KRT12: variants seen among roughly 807,000 people sequenced by gnomAD.
The protein encoded by KRT12 is keratin, type I cytoskeletal 12.
Under a neutral mutation model 50.2 loss-of-function variants are expected in KRT12, and 43 were observed. The ratio of observed to expected loss-of-function variants is 0.86; its 90% CI spans 0.67 to 1.11. The LOEUF (loss-of-function observed/expected upper bound fraction) is 1.11. Ranked by LOEUF, KRT12 falls within the 50% of genes least tolerant of loss-of-function variation. The pLI is 0.00. For missense variants in KRT12, 588 were observed against 625.6 expected (o/e 0.94, Z 0.64); for synonymous variants, 257 against 253.6 (o/e 1.01, Z -0.13).
chr17:40,864,916 T>C lies in KRT12; in HGVS notation c.697A>G (p.Asn233Asp), dbSNP rs771162312. The C allele has an allele frequency of 3.1e-6, 5 of 1,614,254 alleles. No homozygotes were observed. Among genetic ancestry groups the C allele is most frequent in the Non-Finnish European group, 4.2e-6 (5 of 1,180,040 alleles). Reference sequence around the variant, plus strand: ...TCGTCCAGCACCCGGCGCAGGCCATTGATGTCGGCCTCTACGCCCTGGCGC... The same window carrying C: ...TCGTCCAGCACCCGGCGCAGGCCATCGATGTCGGCCTCTACGCCCTGGCGC... ...ALRQGVEADI[N>D]GLRRVLDELT... Residue 233 changes from asparagine (N) to aspartate (D), a missense_variant, in exon 3 of 8, where the codon AAT becomes GAT. By Grantham distance (23) the Asn-to-Asp change is conservative. Coordinates refer to ENST00000251643, the MANE Select transcript of KRT12 (RefSeq NM_000223.4).
At chr17:40,864,733 A>C (rs1906947015) in intron 3 of KRT12, 73 bp downstream of exon 3, 1 of 1,498,638 alleles carries the variant, frequency 6.7e-7, no homozygotes, top group Admixed American at 1.7e-5. Context: ...CAGATTTCTA[A>C]ATTTGAAATT....
intron 7 of KRT12, 57 bp from the exon 8 acceptor site, chr17:40,861,815 C>T (rs898196460): frequency 9.0e-7 from 1 of 1,111,398 alleles, no homozygotes; most frequent in Admixed American, 1.7e-5. Flanking sequence ...ATTAATCCAA[C>T]ACTGGTTGTT....
Position 40,866,502 on chromosome 17 carries a change from T to G in KRT12, c.567+118A>C, listed in dbSNP as rs966554515. On this transcript the variant is annotated intron_variant, in intron 1 of 7. Coordinates refer to ENST00000251643, the MANE Select transcript of KRT12 (RefSeq NM_000223.4). ...GTGAAACAACCTGGGATGAGAAAATTGCTGCAAGTACAGCTAAATTGGAAA... is the reference window on the plus strand; with the variant it reads ...GTGAAACAACCTGGGATGAGAAAATGGCTGCAAGTACAGCTAAATTGGAAA... 4.5e-5 allele frequency: 40 copies of G among 895,772 alleles called. No homozygotes were observed. In the African/African-American group the frequency reaches 6.2e-4, roughly 14 times the overall value. The allele number at this position is 895,772 out of a possible 1,614,324, so 55.5% of individuals were successfully genotyped here.
At chr17:40,865,680 T>G (rs1385670022) in intron 2 of KRT12, among the ~76,000 whole-genome samples, 1 of 151,926 alleles carries the variant, frequency 6.6e-6, no homozygotes, top group Admixed American at 6.6e-5. Context: ...ATACAATAAT[T>G]AGCTGGGCAC....
rs1906890736 is a variant in KRT12, at chr17:40,863,639, C to G, written c.970-29G>C. 2 of 1,614,220 alleles carry G rather than the reference C, an allele frequency of 1.2e-6. No homozygotes were observed. Among genetic ancestry groups the G allele is most frequent in the South Asian group, 1.1e-5 (1 of 91,090 alleles). On this transcript the variant is annotated intron_variant, in intron 4 of 7. Coordinates refer to ENST00000251643, the MANE Select transcript of KRT12 (RefSeq NM_000223.4). This position sits in a 1 kb window ranked among gnomAD's most constrained non-coding sequence, Gnocchi z 4.2. ...CAACAGCAAAGACAGCCAGGGGGCT[C>G]GAGCGCTGAGCTCGTTCGCAGGCCT...
chr17:40,864,720 C>T lies in KRT12; in HGVS notation c.807+86G>A, dbSNP rs375135994. 24 of 1,390,770 alleles carry T rather than the reference C, an allele frequency of 1.7e-5. 1 individual carries two copies. The South Asian group carries it at 1.7e-4, about 10-fold the overall frequency. 86.2% of individuals were successfully genotyped at this position (1,390,770 alleles called of 1,614,324 possible). ...AATGTATTCTCCATACTTGTCCTGA[C>T]TCCAGATTTCTAAATTTGAAATTGT... On this transcript the variant is annotated intron_variant, in intron 3 of 7. Transcript: ENST00000251643.
Position 40,861,464 on chromosome 17 carries a change from C to T in KRT12, c.*197G>A, listed in dbSNP as rs1906799827. On this transcript the variant is annotated 3_prime_UTR_variant, in exon 8 of 8. Transcript: ENST00000251643. Reference sequence around the variant, plus strand: ...AATTTTGATTTGTTACAAAGACCAACATGACCAAAATGACTTGTGACTGAA... The same window carrying T: ...AATTTTGATTTGTTACAAAGACCAATATGACCAAAATGACTTGTGACTGAA... The T allele has an allele frequency of 3.3e-6, 2 of 605,018 alleles. No individual in the cohort carries two copies. Among genetic ancestry groups the T allele is most frequent in the Non-Finnish European group, 5.9e-6 (2 of 338,506 alleles). The allele number at this position is 605,018 out of a possible 1,614,324, so 37.5% of individuals were successfully genotyped here.
intron 2 of KRT12, 127 bp from the exon 3 acceptor site, chr17:40,865,089 A>C (rs1906970465): frequency 3.9e-6 from 4 of 1,017,246 alleles, no homozygotes; most frequent in Non-Finnish European, 6.0e-6. Flanking sequence ...GTAGTGTATG[A>C]TGCAGTTTTT....
In KRT12 at chr17:40,863,109, C is replaced by T; in HGVS notation, c.1316+14G>A. 3.7e-6 allele frequency: 6 copies of T among 1,612,636 alleles called. No homozygotes were observed. The highest frequency in any genetic ancestry group is 2.7e-5 in the African/African-American group (2 of 75,048). ...AGCCCCTGAAGGTGTTTACAGCCTCCGTTGTCTGCTCACCCTTGGGCCTCC... is the reference window on the plus strand; with the variant it reads ...AGCCCCTGAAGGTGTTTACAGCCTCTGTTGTCTGCTCACCCTTGGGCCTCC... On this transcript the variant is annotated intron_variant, in intron 6 of 7. Transcript: ENST00000251643. This position sits in a 1 kb window ranked among gnomAD's most constrained non-coding sequence, Gnocchi z 4.2.
At chr17:40,864,262 C>T (rs1033993247) in intron 3 of KRT12, among the ~76,000 whole-genome samples, 1 of 152,006 alleles carries the variant, frequency 6.6e-6, no homozygotes, top group Non-Finnish European at 1.5e-5. Flanking sequence ...GCTGCCAAAC[C>T]GAGGGCTGCA....
Position 40,863,209 on chromosome 17 carries a change from C to T in KRT12, c.1230G>A (p.Val410=). The T allele has an allele frequency of 1.9e-6, 3 of 1,614,084 alleles. No individual in the cohort carries two copies. The highest frequency in any genetic ancestry group is 1.3e-5 in the African/African-American group (1 of 75,074). Residue 410 remains valine (V), a synonymous_variant, in exon 6 of 8, where the codon GTG becomes GTA. Coordinates refer to ENST00000251643, the MANE Select transcript of KRT12 (RefSeq NM_000223.4). The surrounding 1 kb of genome is among the most constrained non-coding windows in gnomAD (Gnocchi z 4.2). The part of the protein sequence containing the change: ...QVRADAERQN[V]DHQRLLNVKA... ...TGACATTCAGCAGCCGCTGGTGGTC[C>T]ACGTTCTGGCGCTCTGCGTCCGCGC...
intron 2 of KRT12, among the ~76,000 whole-genome samples, chr17:40,865,257 C>T (rs928029454): frequency 2.4e-4 from 36 of 152,174 alleles, no homozygotes; most frequent in African/African-American, 8.4e-4. Flanking sequence ...GGCTGGCTGC[C>T]GTGGCTGTAA....
intron 1 of KRT12, 35 bp from the exon 2 acceptor site, chr17:40,866,272 C>A (rs1002755663): frequency 2.7e-6 from 4 of 1,473,678 alleles, no homozygotes; most frequent in Non-Finnish European, 3.8e-6. Context: ...AAGATTGAAG[C>A]CCTAAAAGAC....
Position 40,867,018 on chromosome 17 carries a change from A to C in KRT12, c.169T>G (p.Phe57Val), listed in dbSNP as rs1282922358. ...GAACCAAACATGGAAGCAGCAGAAA[A>C]GCCTCCCCCACAGCTGGCTCCAAAG... ...FGFGASCGGG[F>V]SAASMFGSSS... Residue 57 changes from phenylalanine (F) to valine (V), a missense_variant, in exon 1 of 8, where the codon TTT (phenylalanine) becomes GTT (valine). By Grantham distance (50) the Phe-to-Val change is conservative (BLOSUM62 -1). Transcript: ENST00000251643. 6.3e-7 allele frequency: 1 copy of C among 1,597,062 alleles called. No homozygotes were observed. The highest frequency in any genetic ancestry group is 8.5e-7 in the Non-Finnish European group (1 of 1,172,160).
intron 7 of KRT12, 27 bp downstream of exon 7, chr17:40,862,538 C>G: frequency 6.6e-7 from 1 of 1,526,502 alleles, no homozygotes; most frequent in Non-Finnish European, 9.1e-7. Flanking sequence ...CCGACTTATT[C>G]TAAGTGATTC....
Position 40,863,953 on chromosome 17 carries a change from TACACAC to T in KRT12, c.808-95_808-90del, listed in dbSNP as rs71155107. 6.2e-4 allele frequency: 318 copies of T among 513,760 alleles called. 1 individual carries two copies. The highest frequency in any genetic ancestry group is 8.1e-4 in the Non-Finnish European group (242 of 297,778). The allele number at this position is 513,760 out of a possible 1,614,324, so 31.8% of individuals were successfully genotyped here. On this transcript the variant is annotated intron_variant, in intron 3 of 7. Coordinates refer to ENST00000251643, the MANE Select transcript of KRT12 (RefSeq NM_000223.4). The surrounding 1 kb of genome is among the most constrained non-coding windows in gnomAD (Gnocchi z 4.2). The stretch of plus-strand genomic sequence containing the variant: ...ACTTTTGTCCTCTTGGGCCCCTTCC[TACACAC>T]ACACACACACACACACACACACACA...
At position 40,863,389 on chromosome 17, in the gene KRT12, C is replaced by T. The variant is rs1194114316; in HGVS notation, c.1096-46G>A. The T allele has an allele frequency of 6.2e-7, 1 of 1,613,124 alleles. No individual in the cohort carries two copies. Among genetic ancestry groups the T allele is most frequent in the South Asian group, 1.1e-5 (1 of 91,014 alleles). Reference sequence around the variant, plus strand: ...GCATAGAAATAACGATGGAGGGGACCGAAAAGAGGAGGGTAGCCAACGGCT... The same window carrying T: ...GCATAGAAATAACGATGGAGGGGACTGAAAAGAGGAGGGTAGCCAACGGCT... On this transcript the variant is annotated intron_variant, in intron 5 of 7. Coordinates refer to ENST00000251643, the MANE Select transcript of KRT12 (RefSeq NM_000223.4). This position sits in a 1 kb window ranked among gnomAD's most constrained non-coding sequence, Gnocchi z 4.2.
chr17:40,866,735 G>A lies in KRT12; in HGVS notation c.452C>T (p.Thr151Ile), dbSNP rs753855825. The A allele has an allele frequency of 6.2e-7, 1 of 1,614,002 alleles. No homozygotes were observed. Among genetic ancestry groups the A allele is most frequent in the Non-Finnish European group, 8.5e-7 (1 of 1,180,004 alleles). ...TTCTCGAATTTTATTTTCTAGCTCA[G>A]TATTAGCCTCTTCTAGAGCTCGCAC... Reference protein sequence around the residue: ...DKVRALEEANTELENKIREWY... With the variant: ...DKVRALEEANIELENKIREWY... Residue 151 changes from threonine (T) to isoleucine (I), a missense_variant, in exon 1 of 8, where the codon ACT (threonine) becomes ATT (isoleucine). Thr to Ile is a moderately conservative substitution (Grantham distance 89). Coordinates refer to ENST00000251643, the MANE Select transcript of KRT12 (RefSeq NM_000223.4).
Position 40,863,915 on chromosome 17 carries a change from G to A in KRT12, c.808-51C>T, listed in dbSNP as rs374128755. ...GGCACAGGGGTCCATTGTGACTTTCGTGGGCCCTGGATACTTTTGTCCTCT... is the reference window on the plus strand; with the variant it reads ...GGCACAGGGGTCCATTGTGACTTTCATGGGCCCTGGATACTTTTGTCCTCT... On this transcript the variant is annotated intron_variant, in intron 3 of 7. Transcript: ENST00000251643. The surrounding 1 kb of genome is among the most constrained non-coding windows in gnomAD (Gnocchi z 4.2). The A allele has an allele frequency of 5.9e-5, 84 of 1,419,550 alleles. No individual in the cohort carries two copies. The African/African-American group carries it at 1.1e-3, about 18-fold the overall frequency. The allele number at this position is 1,419,550 out of a possible 1,614,324, so 87.9% of individuals were successfully genotyped here.
Sources: allele counts gnomAD v4.1 joint callset (sites outside exome capture counted in the v4.1 genomes callset), GRCh38; gene constraint gnomAD v4.1.1; non-coding constraint Gnocchi (gnomAD v3.1); transcripts MANE v1.5; gene names NCBI Gene and HGNC (gene_info 2026-07-23, HGNC 2026-07-21).